Variants in SLC36A4 observed in about 807,000 individuals in gnomAD.
SLC36A4 encodes the protein solute carrier family 36 member 4, also known as neutral amino acid uniporter 4.
A neutral mutation model predicts 50.5 loss-of-function variants in SLC36A4; 49 were observed. The observed-to-expected ratio is 0.97, with a 90% CI of 0.77 to 1.23. The LOEUF is 1.23. Ranked by LOEUF, SLC36A4 falls within the 50% of genes most tolerant of loss-of-function variation. The probability of loss-of-function intolerance (pLI) is 0.00; values close to 1 mark genes in which losing one functional copy is unlikely to be tolerated. For synonymous variants in SLC36A4, 207 were observed against 206.5 expected (o/e 1.00, Z -0.02); for missense variants, 611 against 608.4 (o/e 1.00, Z -0.05).
intron 10 of SLC36A4, among the ~76,000 whole-genome samples, chr11:93,149,654 G>A (rs532109323): frequency 5.9e-5 from 9 of 152,064 alleles, no homozygotes; most frequent in Non-Finnish European, 8.8e-5. Flanking sequence ...CTGACATTTC[G>A]AAAGTGTGAA....
chr11:93,174,022 G>A (rs1325154305), intron 6 of SLC36A4, among the ~76,000 whole-genome samples: 4 of 149,668 alleles, frequency 2.7e-5, no homozygotes, highest in African/African-American at 7.4e-5. Context: ...CATTGAATCT[G>A]TAAATTACCT....
At chr11:93,155,448 T>C (rs1385964374) in intron 9 of SLC36A4, 1 of 152,172 alleles carries the variant, frequency 6.6e-6, no homozygotes, top group East Asian at 1.9e-4. Context: ...ACTTTTGGTA[T>C]ATAATGTCAA....
At chr11:93,183,169 T>C (rs935892796) in intron 3 of SLC36A4, among the ~76,000 whole-genome samples, 1 of 152,152 alleles carries the variant, frequency 6.6e-6, no homozygotes, top group Non-Finnish European at 1.5e-5. Context: ...CAAGATCATA[T>C]TTAACATCAG....
intron 1 of SLC36A4, among the ~76,000 whole-genome samples, chr11:93,196,506 A>ACAGGC (rs1418311813): frequency 3.9e-5 from 6 of 152,100 alleles, no homozygotes; most frequent in Non-Finnish European, 8.8e-5. Context: ...AGCTGGGACT[A>ACAGGC]CAGGCGCCCG....
At chr11:93,165,575 T>C (rs184456058) in intron 8 of SLC36A4, among the ~76,000 whole-genome samples, 1 of 152,150 alleles carries the variant, frequency 6.6e-6, no homozygotes, top group African/African-American at 2.4e-5. Context: ...AGTTAATAAT[T>C]TTTGAAGCCA....
At chr11:93,185,668 G>A in intron 2 of SLC36A4, 23 bp downstream of exon 2, 1 of 1,538,098 alleles carries the variant, frequency 6.5e-7, no homozygotes, top group South Asian at 1.3e-5. Flanking sequence ...AAGAAAAGGA[G>A]ACTTATAAAC....
At chr11:93,157,353 T>G (rs1860414614) in intron 9 of SLC36A4, among the ~76,000 whole-genome samples, 1 of 152,204 alleles carries the variant, frequency 6.6e-6, no homozygotes, top group Non-Finnish European at 1.5e-5. Flanking sequence ...ACATGAATTT[T>G]AAAATAGTTT....
rs540381065 is a variant in SLC36A4 at position 93,149,212 on chromosome 11, T to C, written c.1208-368A>G. Among the ~76,000 whole-genome samples the C allele has an allele frequency of 6.4e-4, 98 of 152,144 alleles. No homozygotes were observed. The Middle Eastern group carries it at 0.014, about 21-fold the overall frequency. ...GCACAAGACATAGAGTGGTGGGACA[T>C]AAATAAATGAGAGAGAAGAGATAGC... On this transcript the variant is annotated intron_variant, in intron 10 of 10. Transcript: ENST00000326402.
intron 9 of SLC36A4, chr11:93,155,480 A>G (rs1860314015): frequency 6.6e-6 from 1 of 152,124 alleles, no homozygotes; most frequent in South Asian, 2.1e-4. Context: ...CTTGACATTA[A>G]TGAAGCTTTA....
At chr11:93,190,053 T>A (rs1862149314) in intron 1 of SLC36A4, among the ~76,000 whole-genome samples, 1 of 152,218 alleles carries the variant, frequency 6.6e-6, no homozygotes, top group Admixed American at 6.5e-5. Context: ...GCAGCTATCA[T>A]ATTTATTTAA....
chr11:93,193,420 TG>T (rs1379907282), intron 1 of SLC36A4, among the ~76,000 whole-genome samples: 2 of 152,298 alleles, frequency 1.3e-5, no homozygotes, highest in Admixed American at 1.3e-4. Context: ...AGTACTAAAT[TG>T]GGCAGCTCTG....
intron 1 of SLC36A4, among the ~76,000 whole-genome samples, chr11:93,193,877 T>A (rs572811035): frequency 6.6e-6 from 1 of 152,284 alleles, no homozygotes; most frequent in South Asian, 2.1e-4. Context: ...GAAGAGGATT[T>A]TGCACAAGAA....
chr11:93,176,121 T>C (rs1285226769), intron 6 of SLC36A4, among the ~76,000 whole-genome samples: 1 of 149,586 alleles, frequency 6.7e-6, no homozygotes, highest in African/African-American at 2.5e-5. Context: ...GCTTTATGAA[T>C]CTGGGTGCTC....
intron 1 of SLC36A4, among the ~76,000 whole-genome samples, chr11:93,196,452 C>T (rs957282778): frequency 6.6e-6 from 1 of 152,106 alleles, no homozygotes; most frequent in Non-Finnish European, 1.5e-5. Flanking sequence ...CGGCAAGCTC[C>T]GCCTCCCGGG....
In SLC36A4 at chr11:93,165,385, T is replaced by C. The variant is rs1860814141; in HGVS notation, c.867+533A>G. ...GGAGTCTCTCTTGGTATTAGCTTTA[T>C]AACACTGTTTCTCAAAACAAACATT... On this transcript the variant is annotated intron_variant, in intron 8 of 10. Transcript: ENST00000326402. 2.0e-5 allele frequency among the ~76,000 whole-genome samples: 3 copies of C among 152,138 alleles called. No homozygotes were observed. The South Asian group carries it at 6.2e-4, about 32-fold the overall frequency.
chr11:93,195,948 A>G (rs1444389442), intron 1 of SLC36A4, among the ~76,000 whole-genome samples: 3 of 152,062 alleles, frequency 2.0e-5, no homozygotes, highest in Non-Finnish European at 4.4e-5. Context: ...CTTTTCACCT[A>G]ACATACTATA....
intron 9 of SLC36A4, chr11:93,160,906 T>C: frequency 1.3e-5 from 4 of 317,962 alleles, no homozygotes; most frequent in South Asian, 1.2e-4. Flanking sequence ...AGTGGTACCA[T>C]CACAGCTCAC....
chr11:93,162,705 C>T lies in SLC36A4; in HGVS notation c.1037+1G>A. The T allele has an allele frequency of 6.2e-7, 1 of 1,604,184 alleles. No individual in the cohort carries two copies. Among genetic ancestry groups the T allele is most frequent in the Non-Finnish European group, 8.5e-7 (1 of 1,175,524 alleles). ...ATATTGACAAATTCATATACACCTA[C>T]CATACATCTTGGGGAAGATTTAAAG... On this transcript the variant is annotated splice_donor_variant, in intron 9 of 10. Coordinates refer to ENST00000326402, the MANE Select transcript of SLC36A4 (RefSeq NM_152313.4). LOFTEE classifies it high-confidence loss of function.
chr11:93,146,919 G>A lies in SLC36A4; in HGVS notation c.*1618C>T, dbSNP rs957068167. 6 of 152,014 alleles carry A rather than the reference G, an allele frequency of 3.9e-5. No homozygotes were observed. Among genetic ancestry groups the A allele is most frequent in the Admixed American group, 3.3e-4 (5 of 15,232 alleles). 9.4% of individuals were successfully genotyped at this position (152,014 alleles called of 1,614,324 possible). On this transcript the variant is annotated 3_prime_UTR_variant, in exon 11 of 11. Coordinates refer to ENST00000326402, the MANE Select transcript of SLC36A4 (RefSeq NM_152313.4). The stretch of plus-strand genomic sequence containing the variant: ...GGAGTGTCTCAATATTTAGAAGGGA[G>A]TTTATGGATTTTTTCTAAGCATGAA...
Sources: gnomAD v4.1 joint callset for allele counts (sites outside exome capture counted in the v4.1 genomes callset) on GRCh38, gnomAD v4.1.1 for gene constraint, MANE v1.5 for transcripts, NCBI Gene and HGNC (gene_info 2026-07-23, HGNC 2026-07-21) for gene names.